The following SRPK1 variants were observed in gnomAD, a reference collection of about 807,000 sequenced individuals.
SRPK1 encodes the protein SRSF protein kinase 1, also known as SFRS protein kinase 1.
SRPK1 carries 52 observed loss-of-function variants against 89.5 expected under a neutral mutation model. The observed-to-expected ratio is 0.58, with a 90% CI of 0.46 to 0.73. The LOEUF is 0.73. Ranked by LOEUF, SRPK1 falls within the 30% of genes least tolerant of loss-of-function variation. SRPK1 has a pLI of 0.00. For synonymous variants in SRPK1, 255 were observed against 270.2 expected (o/e 0.94, Z 0.55); for missense variants, 603 against 780.6 (o/e 0.77, Z 2.71).
At chr6:35,906,723 A>C (rs975917320) in intron 2 of SRPK1, among the ~76,000 whole-genome samples, 1 of 152,160 alleles carries the variant, frequency 6.6e-6, no homozygotes. Context: ...TGATGAAAAC[A>C]ACCTAAATTT....
intron 2 of SRPK1, among the ~76,000 whole-genome samples, chr6:35,911,629 C>CT (rs929740839): frequency 2.0e-5 from 3 of 151,686 alleles, no homozygotes; most frequent in Non-Finnish European, 4.4e-5. Context: ...TAAGGTCTCA[C>CT]TATGTTGCCC....
Position 35,862,895 on chromosome 6 carries a change from T to A in SRPK1, c.1513-5527A>T, listed in dbSNP as rs574632808. 6.6e-5 allele frequency among the ~76,000 whole-genome samples: 10 copies of A among 152,262 alleles called. 1 individual carries two copies. The South Asian group carries it at 1.5e-3, about 22-fold the overall frequency. On this transcript the variant is annotated intron_variant, in intron 12 of 15. Transcript: ENST00000373825. The stretch of plus-strand genomic sequence containing the variant: ...AAAAATTCACTGAAGCAGGGCACAG[T>A]TGCTCACATCTGTAATCCTAGCACT...
In SRPK1 at chr6:35,835,261, G is replaced by A. The variant is rs761328840; in HGVS notation, c.*43C>T. ...AGGAAAATGCTTGAAGGGGAAGGGC[G>A]GAGGGTCAGTGTGTGATCTCTGCTG... On this transcript the variant is annotated 3_prime_UTR_variant, in exon 16 of 16. Coordinates refer to ENST00000373825, the MANE Select transcript of SRPK1 (RefSeq NM_003137.5). 13 of 1,526,034 alleles carry A rather than the reference G, an allele frequency of 8.5e-6. No homozygotes were observed. Among genetic ancestry groups the A allele is most frequent in the East Asian group, 2.3e-5 (1 of 43,868 alleles). The allele number at this position is 1,526,034 out of a possible 1,614,324, so 94.5% of individuals were successfully genotyped here.
At chr6:35,898,397 G>A (rs1770667392) in intron 2 of SRPK1, among the ~76,000 whole-genome samples, 1 of 152,042 alleles carries the variant, frequency 6.6e-6, no homozygotes, top group Non-Finnish European at 1.5e-5. Flanking sequence ...GGGGGGTTAG[G>A]GATAAAAGAC....
At chr6:35,893,256 G>A (rs1311073330) in intron 2 of SRPK1, among the ~76,000 whole-genome samples, 2 of 152,164 alleles carry the variant, frequency 1.3e-5, no homozygotes, top group East Asian at 1.9e-4. Flanking sequence ...AGGCCAAGGC[G>A]GGCAGATCCC....
chr6:35,897,948 C>T (rs1241704819), intron 2 of SRPK1, among the ~76,000 whole-genome samples: 1 of 152,138 alleles, frequency 6.6e-6, no homozygotes, highest in East Asian at 1.9e-4. Flanking sequence ...ATTTGATTAC[C>T]AATTTGTTCA....
At chr6:35,888,655 A>G (rs1380437562) in intron 4 of SRPK1, among the ~76,000 whole-genome samples, 160 bp downstream of exon 4, 2 of 152,236 alleles carry the variant, frequency 1.3e-5, no homozygotes, top group Non-Finnish European at 2.9e-5. Flanking sequence ...CACGAAAGAA[A>G]AGTGGTTTCT....
At chr6:35,885,298 C>CACACAGAGAGAG (rs1276672274) in intron 6 of SRPK1, among the ~76,000 whole-genome samples, 14 of 113,188 alleles carry the variant, frequency 1.2e-4, no homozygotes, top group East Asian at 5.9e-4. Flanking sequence ...CACACACACA[C>CACACAGAGAGAG]AGAGAGAGAG....
rs1769234050 is a variant in SRPK1, at chr6:35,838,505, C to T, written c.1691-76G>A. ...GAGTAACAAATGCAGCTCTAGAAAA[C>T]AGCAGAAGGAGCAGCATGCACATCT... On this transcript the variant is annotated intron_variant, in intron 14 of 15. Transcript: ENST00000373825. The T allele has an allele frequency of 6.5e-6, 9 of 1,380,410 alleles. No homozygotes were observed. The Admixed American group carries it at 1.3e-4, about 20-fold the overall frequency. 85.5% of individuals were successfully genotyped at this position (1,380,410 alleles called of 1,614,324 possible).
chr6:35,854,828 T>C (rs1280419600), intron 13 of SRPK1, among the ~76,000 whole-genome samples: 1 of 152,226 alleles, frequency 6.6e-6, no homozygotes, highest in Non-Finnish European at 1.5e-5. Flanking sequence ...AGCTACACTT[T>C]ATAGTTGGTG....
chr6:35,907,926 T>C (rs1770885503), intron 2 of SRPK1, among the ~76,000 whole-genome samples: 1 of 152,116 alleles, frequency 6.6e-6, no homozygotes, highest in Non-Finnish European at 1.5e-5. Flanking sequence ...TCACGAGAGC[T>C]GATGGTTTTA....
chr6:35,849,870 T>C (rs1286451718), intron 13 of SRPK1, among the ~76,000 whole-genome samples: 1 of 152,188 alleles, frequency 6.6e-6, no homozygotes, highest in African/African-American at 2.4e-5. Context: ...TGGAATACTA[T>C]TCAGCCTTAA....
intron 12 of SRPK1, among the ~76,000 whole-genome samples, chr6:35,865,554 G>T (rs1388407556): frequency 6.6e-6 from 1 of 151,980 alleles, no homozygotes; most frequent in Non-Finnish European, 1.5e-5. Flanking sequence ...ACTATACAAG[G>T]TTACAGCAAC....
intron 13 of SRPK1, among the ~76,000 whole-genome samples, chr6:35,852,860 T>C (rs1769583702): frequency 6.6e-6 from 1 of 152,202 alleles, no homozygotes; most frequent in Non-Finnish European, 1.5e-5. Flanking sequence ...TAGTCAGCCC[T>C]GGGTGTCTGC....
At chr6:35,843,326 A>C (rs1769356764) in intron 13 of SRPK1, among the ~76,000 whole-genome samples, 1 of 116,326 alleles carries the variant, frequency 8.6e-6, no homozygotes. Context: ...GTACCAAACA[A>C]AAAAAATCAA....
At chr6:35,888,243 C>G in intron 4 of SRPK1, 132 bp from the exon 5 acceptor site, 4 of 502,696 alleles carry the variant, frequency 8.0e-6, no homozygotes, top group Non-Finnish European at 1.4e-5. Flanking sequence ...CAAGCTACTT[C>G]TATGGGAACA....
intron 13 of SRPK1, among the ~76,000 whole-genome samples, chr6:35,856,615 G>C (rs1303606876): frequency 6.6e-6 from 1 of 152,088 alleles, no homozygotes; most frequent in Non-Finnish European, 1.5e-5. Flanking sequence ...CATGATTCCT[G>C]ACAATATGGG....
rs545555860 is a variant in SRPK1, at chr6:35,913,969, C to CTTTTTTTTTTTTT, written c.74+6486_74+6498dup. ...TGCCGCACAACAAAGGATACTTTCT[C>CTTTTTTTTTTTTT]TTTTTTTTTTTTTTTTTTTTTTTGA... is the stretch of plus-strand genomic sequence containing the variant. On this transcript the variant is annotated intron_variant, in intron 2 of 15. Transcript: ENST00000373825. Among the ~76,000 whole-genome samples, 15 of 92,938 alleles carry CTTTTTTTTTTTTT rather than the reference C, an allele frequency of 1.6e-4. 1 individual carries two copies. Among genetic ancestry groups the CTTTTTTTTTTTTT allele is most frequent in the Admixed American group, 2.8e-4 (2 of 7,190 alleles). The allele number at this position is 92,938 out of a possible 152,430, so 61.0% of individuals were successfully genotyped here.
At chr6:35,917,514 T>C (rs544174520) in intron 2 of SRPK1, among the ~76,000 whole-genome samples, 1 of 152,230 alleles carries the variant, frequency 6.6e-6, no homozygotes, top group East Asian at 1.9e-4. Context: ...AAAAGTAAAA[T>C]GAAGAATTGT....
Sources: allele counts gnomAD v4.1 joint callset (sites outside exome capture counted in the v4.1 genomes callset), GRCh38; gene constraint gnomAD v4.1.1; transcripts MANE v1.5; gene names NCBI Gene and HGNC (gene_info 2026-07-23, HGNC 2026-07-21).